The following LCOR variants were observed in gnomAD, a reference collection of about 807,000 sequenced individuals.
The protein encoded by LCOR is ligand dependent nuclear receptor corepressor.
LCOR carries 14 observed loss-of-function variants against 64.4 expected under a neutral mutation model. That is an observed-to-expected ratio of 0.22 (90% CI 0.14 to 0.34). The LOEUF is 0.34. Ranked by LOEUF, LCOR falls within the 10% of genes least tolerant of loss-of-function variation. The pLI is 1.00. For missense variants in LCOR, 1,686 were observed against 1,765.3 expected (o/e 0.96, Z 0.80); for synonymous variants, 643 against 642.5 (o/e 1.00, Z -0.01).
At chr10:96,970,619 A>T (rs894471895) in intron 7 of LCOR, among the ~76,000 whole-genome samples, 3 of 144,162 alleles carry the variant, frequency 2.1e-5, no homozygotes, top group Non-Finnish European at 4.5e-5. Flanking sequence ...ATTTTATTTT[A>T]TTTTATTTAT....
intron 2 of LCOR, among the ~76,000 whole-genome samples, chr10:96,880,410 T>C (rs1846243386): frequency 6.6e-6 from 1 of 152,198 alleles, no homozygotes; most frequent in African/African-American, 2.4e-5. Context: ...TTGTTTTGTT[T>C]TGTTTTGGGA....
chr10:96,870,455 T>TA (rs1293879925), intron 2 of LCOR, among the ~76,000 whole-genome samples: 13 of 152,220 alleles, frequency 8.5e-5, no homozygotes, highest in Non-Finnish European at 1.0e-4. Context: ...ACTGACATAT[T>TA]ACAGCCTTGC....
intron 4 of LCOR, among the ~76,000 whole-genome samples, chr10:96,942,527 A>C (rs944355504): frequency 3.9e-5 from 6 of 152,216 alleles, no homozygotes; most frequent in Non-Finnish European, 5.9e-5. Context: ...TTTTTAATAC[A>C]TTATATAGCA....
chr10:96,929,020 T>G (rs545629871), intron 4 of LCOR, among the ~76,000 whole-genome samples: 1 of 152,334 alleles, frequency 6.6e-6, no homozygotes, highest in East Asian at 1.9e-4. Flanking sequence ...TAAACACATG[T>G]GTTGTCATCC....
chr10:96,898,775 G>A (rs1481391678), intron 2 of LCOR, among the ~76,000 whole-genome samples: 1 of 152,092 alleles, frequency 6.6e-6, no homozygotes, highest in Non-Finnish European at 1.5e-5. Flanking sequence ...GTATTCCTTT[G>A]AATATTTTGT....
At chr10:96,958,905 T>TTAAAAAAAAAAAAAAAAAAAAAAAAAAAA (rs1327861554) in intron 7 of LCOR, 1 of 80,674 alleles carries the variant, frequency 1.2e-5, no homozygotes, top group African/African-American at 8.3e-5. Flanking sequence ...AAAGAAAAAC[T>TTAAAAAAAAAAAAAAAAAAAAAAAAAAAA]TAAAAAAAAA....
At chr10:96,848,168 A>C (rs1004296869) in intron 2 of LCOR, among the ~76,000 whole-genome samples, 2 of 152,228 alleles carry the variant, frequency 1.3e-5, no homozygotes, top group Non-Finnish European at 2.9e-5. Flanking sequence ...AGGAATGTGA[A>C]TATATATCCA....
chr10:96,943,054 G>A (rs965977113), intron 4 of LCOR, among the ~76,000 whole-genome samples: 1 of 152,078 alleles, frequency 6.6e-6, no homozygotes, highest in Non-Finnish European at 1.5e-5. Context: ...GATGATTATA[G>A]TGCAGCATAT....
intron 2 of LCOR, among the ~76,000 whole-genome samples, chr10:96,899,190 T>C (rs969850626): frequency 6.6e-6 from 1 of 152,090 alleles, no homozygotes; most frequent in African/African-American, 2.4e-5. Flanking sequence ...TTAGGAGATT[T>C]TGGTGATAAT....
intron 2 of LCOR, among the ~76,000 whole-genome samples, chr10:96,898,006 G>A (rs1175830285): frequency 2.0e-5 from 3 of 151,354 alleles, no homozygotes; most frequent in Non-Finnish European, 4.4e-5. Context: ...TTATAATGAT[G>A]TAGGAATTAA....
Position 96,981,639 on chromosome 10 carries a change from G to A in LCOR, c.1179G>A (p.Glu393=), listed in dbSNP as rs563045829. 6.2e-7 allele frequency: 1 copy of A among 1,614,204 alleles called. No homozygotes were observed. Among genetic ancestry groups the A allele is most frequent in the East Asian group, 2.2e-5 (1 of 44,888 alleles). ...ANEQDARPKQ[E]NHLHSLGRNK... ...AACAAGATGCAAGGCCAAAGCAAGAGAACCATCTTCACTCTCTGGGAAGAA... is the reference window on the plus strand; with the variant it reads ...AACAAGATGCAAGGCCAAAGCAAGAAAACCATCTTCACTCTCTGGGAAGAA... The change falls in exon 8 of 8, where the codon GAG becomes GAA. Residue 393 remains glutamate, a synonymous_variant. Coordinates refer to ENST00000421806, the MANE Select transcript of LCOR (RefSeq NM_001346516.2).
chr10:96,963,756 G>A lies in LCOR; in HGVS notation c.332+11560G>A, dbSNP rs191295173. 1.2e-3 allele frequency: 180 copies of A among 152,142 alleles called. 1 individual carries two copies. The highest frequency in any genetic ancestry group is 3.3e-3 in the Admixed American group (51 of 15,294). The allele number at this position is 152,142 out of a possible 1,614,324, so 9.4% of individuals were successfully genotyped here. Reference sequence around the variant, plus strand: ...GACTTGCCTCTTTAAAATTGCTTTTGTTTTCTGCAGTACTATCTGTGGTTA... The same window carrying A: ...GACTTGCCTCTTTAAAATTGCTTTTATTTTCTGCAGTACTATCTGTGGTTA... On this transcript the variant is annotated intron_variant, in intron 7 of 7. Coordinates refer to ENST00000421806, the MANE Select transcript of LCOR (RefSeq NM_001346516.2).
At chr10:96,935,827 C>A (rs1847341613) in intron 4 of LCOR, among the ~76,000 whole-genome samples, 1 of 152,162 alleles carries the variant, frequency 6.6e-6, no homozygotes, top group African/African-American at 2.4e-5. Context: ...AGAGCAAGAT[C>A]CTGTCTTTAA....
At chr10:96,953,461 C>T (rs1040570746) in intron 7 of LCOR, among the ~76,000 whole-genome samples, 5 of 151,974 alleles carry the variant, frequency 3.3e-5, no homozygotes, top group Admixed American at 2.0e-4. Flanking sequence ...TGAGGTGGGA[C>T]GATCGCTTGA....
intron 2 of LCOR, among the ~76,000 whole-genome samples, chr10:96,881,619 G>T (rs929782005): frequency 2.0e-5 from 3 of 151,984 alleles, no homozygotes; most frequent in African/African-American, 7.2e-5. Flanking sequence ...ACCACGCCCG[G>T]CTATTTTTTG....
At chr10:96,958,073 TACAC>T (rs1213633955) in intron 7 of LCOR, 2 of 1,064,776 alleles carry the variant, frequency 1.9e-6, no homozygotes, top group African/African-American at 3.3e-5. Flanking sequence ...CCTCCTTTGT[TACAC>T]ACTCAAGAAT....
chr10:96,931,243 T>C (rs1289282404), intron 4 of LCOR, among the ~76,000 whole-genome samples: 2 of 151,574 alleles, frequency 1.3e-5, no homozygotes, highest in Non-Finnish European at 2.9e-5. Context: ...TTTTTTTTTT[T>C]TTTTCTTTGA....
intron 4 of LCOR, among the ~76,000 whole-genome samples, chr10:96,940,091 T>C (rs1203247201): frequency 6.6e-6 from 1 of 152,182 alleles, no homozygotes; most frequent in Admixed American, 6.5e-5. Context: ...CATGAGATAA[T>C]ACCACTTCTT....
chr10:96,912,134 A>G (rs1303690291), intron 4 of LCOR, among the ~76,000 whole-genome samples: 2 of 151,702 alleles, frequency 1.3e-5, no homozygotes, highest in South Asian at 2.1e-4. Context: ...GGGTTTCACC[A>G]TGTTGGTCAG....
Sources: allele counts gnomAD v4.1 joint callset (sites outside exome capture counted in the v4.1 genomes callset), GRCh38; gene constraint gnomAD v4.1.1; transcripts MANE v1.5; gene names NCBI Gene and HGNC (gene_info 2026-07-23, HGNC 2026-07-21).